Variants in DNAAF6 observed in about 807,000 individuals in gnomAD.
DNAAF6 encodes dynein axonemal assembly factor 6, also known as PIH1 domain containing 3.
DNAAF6 carries 3 observed loss-of-function variants against 13.7 expected under a neutral mutation model. The observed-to-expected ratio is 0.22, with a 90% CI of 0.10 to 0.56. DNAAF6 has a LOEUF of 0.56. Ranked by LOEUF, DNAAF6 falls within the 20% of genes least tolerant of loss-of-function variation. The pLI, the probability that DNAAF6 is intolerant of heterozygous loss-of-function variation, is 0.92. For missense variants in DNAAF6, 130 were observed against 151.0 expected (o/e 0.86, Z 0.73); for synonymous variants, 54 against 49.2 (o/e 1.10, Z -0.41).
Position 107,222,763 on chromosome X carries a change from A to G in DNAAF6, c.351A>G (p.Arg117=), listed in dbSNP as rs746560816. 2.4e-5 allele frequency: 29 copies of G among 1,202,807 alleles called. No individual in the cohort carries two copies. In the South Asian group the frequency reaches 4.9e-4, roughly 20 times the overall value. Reference sequence around the variant, plus strand: ...TTTTCAGGTATGAGATTATATTCAGACAGCAGGTGGGAACTGAAGATATAT... The same window carrying G: ...TTTTCAGGTATGAGATTATATTCAGGCAGCAGGTGGGAACTGAAGATATAT... The part of the protein sequence containing the change: ...REIPEYEIIF[R]QQVGTEDIFL... The change falls in exon 5 of 7, where the codon AGA becomes AGG. Residue 117 remains arginine, a synonymous_variant. Coordinates refer to ENST00000372453, the MANE Select transcript of DNAAF6 (RefSeq NM_173494.2).
chrX:107,220,902 CCTTTCTTTCTTTCTTTCTTTCTTT>C lies in DNAAF6; in HGVS notation c.333-1810_333-1787del, dbSNP rs200337352. On this transcript the variant is annotated intron_variant, in intron 4 of 6. Transcript: ENST00000372453. ...TTTGTTTTTGTTTTCTTTCTTTCTCCCTTTCTTTCTTTCTTTCTTTCTTTCTTTCTTTCTTTCTTTCTTTCTTTC... is the reference window on the plus strand; with the variant it reads ...TTTGTTTTTGTTTTCTTTCTTTCTCCCTTTCTTTCTTTCTTTCTTTCTTTC... 4.5e-3 allele frequency among the ~76,000 whole-genome samples: 388 copies of C among 87,166 alleles called. 4 individuals are homozygous for C. The highest frequency in any genetic ancestry group is 0.016 in the African/African-American group (351 of 22,475). The allele number at this position is 87,166 out of a possible 115,157, so 75.7% of individuals were successfully genotyped here.
intron 1 of DNAAF6, among the ~76,000 whole-genome samples, chrX:107,209,850 T>C (rs1927811391): frequency 1.8e-5 from 2 of 112,394 alleles, no homozygotes; most frequent in African/African-American, 6.5e-5. Context: ...TAACCTAGAC[T>C]TTTCTACAAT....
intron 6 of DNAAF6, among the ~76,000 whole-genome samples, chrX:107,242,597 T>C (rs937134547): frequency 1.8e-5 from 2 of 112,808 alleles, no homozygotes; most frequent in Non-Finnish European, 3.8e-5. Context: ...AACTGAACTA[T>C]AAACCACAAA....
In DNAAF6 at chrX:107,240,485, C is replaced by T. The variant is rs763569655; in HGVS notation, c.515+1478C>T. Among the ~76,000 whole-genome samples, 3 of 111,747 alleles carry T rather than the reference C, an allele frequency of 2.7e-5. No individual in the cohort carries two copies. In the South Asian group the frequency reaches 1.1e-3, roughly 42 times the overall value. On this transcript the variant is annotated intron_variant, in intron 6 of 6. Coordinates refer to ENST00000372453, the MANE Select transcript of DNAAF6 (RefSeq NM_173494.2). ...TTTCTTTAGTTTCTAACTTTGACAT[C>T]ATATAACGCTATGTTTATCCAATCT... is the stretch of plus-strand genomic sequence containing the variant.
chrX:107,206,662 C>A lies in DNAAF6; in HGVS notation c.-32C>A, dbSNP rs1927707067. The A allele has an allele frequency of 9.0e-6, 1 of 111,020 alleles. No homozygotes were observed. The highest frequency in any genetic ancestry group is 1.9e-5 in the Non-Finnish European group (1 of 53,009). The allele number at this position is 111,020 out of a possible 1,213,427, so 9.1% of individuals were successfully genotyped here. ...CGCTCTGCACAGTCTATTTTCGGAGCCTAGCCAGAGACGGGAAAACTGACC... is the reference window on the plus strand; with the variant it reads ...CGCTCTGCACAGTCTATTTTCGGAGACTAGCCAGAGACGGGAAAACTGACC... On this transcript the variant is annotated 5_prime_UTR_variant, in exon 1 of 7. Transcript: ENST00000372453.
At chrX:107,216,619 T>C (rs1927992386) in intron 2 of DNAAF6, 52 bp from the exon 3 acceptor site, 1 of 877,481 alleles carries the variant, frequency 1.1e-6, no homozygotes, top group Non-Finnish European at 1.6e-6. Context: ...ACTAGTCATA[T>C]AGGTTATACA....
intron 5 of DNAAF6, among the ~76,000 whole-genome samples, chrX:107,235,177 A>G (rs1326540084): frequency 8.9e-6 from 1 of 111,997 alleles, no homozygotes; most frequent in Non-Finnish European, 1.9e-5. Context: ...ACTTGCCTGA[A>G]GAGAAGCTGA....
Position 107,212,881 on chromosome X carries a change from ATCTGAAAATATGGAT to A in DNAAF6, c.19_33del (p.Asp7_Met11del), listed in dbSNP as rs775560358. On this transcript the variant is annotated inframe_deletion, in exon 2 of 7. Coordinates refer to ENST00000372453, the MANE Select transcript of DNAAF6 (RefSeq NM_173494.2). ...ATTATCTTTTTCTTCAGATAATGGA[ATCTGAAAATATGGAT>A]TCTGAAAATATGAAGACAGAAAATA... 22 of 1,182,709 alleles carry A rather than the reference ATCTGAAAATATGGAT, an allele frequency of 1.9e-5. No homozygotes were observed. The highest frequency in any genetic ancestry group is 2.4e-4 in the Middle Eastern group (1 of 4,234).
rs192242792 is a variant in DNAAF6 at position 107,241,648 on chromosome X, A to G, written c.516-1521A>G. 3.0e-4 allele frequency among the ~76,000 whole-genome samples: 34 copies of G among 112,199 alleles called. No individual in the cohort carries two copies. In the East Asian group the frequency reaches 9.2e-3, roughly 30 times the overall value. ...AGAATTTTTATTTTGTTTAAATATA[A>G]ATCTCAGTACAGATAATAAGACAGT... On this transcript the variant is annotated intron_variant, in intron 6 of 6. Coordinates refer to ENST00000372453, the MANE Select transcript of DNAAF6 (RefSeq NM_173494.2).
At chrX:107,214,158 A>T (rs1250455735) in intron 2 of DNAAF6, among the ~76,000 whole-genome samples, 1 of 111,918 alleles carries the variant, frequency 8.9e-6, no homozygotes, top group East Asian at 2.8e-4. Context: ...AAGTCTTAGT[A>T]GAGGCTAAAC....
intron 4 of DNAAF6, among the ~76,000 whole-genome samples, chrX:107,220,919 CTTT>C (rs1928112059): frequency 1.6e-5 from 1 of 63,717 alleles, no homozygotes; most frequent in Non-Finnish European, 2.8e-5. Context: ...TTCTTTCTTT[CTTT>C]CTTTCTTTCT....
At chrX:107,232,747 T>G (rs1045287068) in intron 5 of DNAAF6, among the ~76,000 whole-genome samples, 23 of 110,684 alleles carry the variant, frequency 2.1e-4, no homozygotes, top group African/African-American at 7.6e-4. Flanking sequence ...TTGTTGTTGT[T>G]GTTGTTGTCA....
chrX:107,240,964 A>G (rs1014729679), intron 6 of DNAAF6, among the ~76,000 whole-genome samples: 1 of 111,807 alleles, frequency 8.9e-6, no homozygotes, highest in Non-Finnish European at 1.9e-5. Flanking sequence ...GAATTGACTG[A>G]TTTTCAAAGA....
chrX:107,214,919 T>C (rs892172784), intron 2 of DNAAF6, among the ~76,000 whole-genome samples: 1 of 111,277 alleles, frequency 9.0e-6, no homozygotes, highest in Non-Finnish European at 1.9e-5. Flanking sequence ...ATCTGGGAGA[T>C]TGAGGAGAGA....
At chrX:107,234,340 A>AT (rs1252125220) in intron 5 of DNAAF6, among the ~76,000 whole-genome samples, 1 of 112,129 alleles carries the variant, frequency 8.9e-6, no homozygotes, top group Non-Finnish European at 1.9e-5. Context: ...AATGCCTTTA[A>AT]TTTTTTAAAA....
chrX:107,213,784 G>A lies in DNAAF6; in HGVS notation c.153+756G>A, dbSNP rs145362053. Among the ~76,000 whole-genome samples the A allele has an allele frequency of 6.9e-3, 770 of 111,195 alleles. 4 individuals are homozygous for A. The highest frequency in any genetic ancestry group is 0.012 in the Non-Finnish European group (645 of 52,904). ...TTGGCTATCAGACTGCCTATGATAG[G>A]GCAAACAAAATTTGGGGCAAAAAAT... is the stretch of plus-strand genomic sequence containing the variant. On this transcript the variant is annotated intron_variant, in intron 2 of 6. Coordinates refer to ENST00000372453, the MANE Select transcript of DNAAF6 (RefSeq NM_173494.2).
chrX:107,210,924 T>C (rs889669260), intron 1 of DNAAF6, among the ~76,000 whole-genome samples: 2 of 111,380 alleles, frequency 1.8e-5, no homozygotes, highest in Non-Finnish European at 3.8e-5. Context: ...AGGACCTTGA[T>C]TGCCAGACTC....
intron 5 of DNAAF6, among the ~76,000 whole-genome samples, chrX:107,235,897 T>C (rs1928502738): frequency 9.0e-6 from 1 of 110,845 alleles, no homozygotes; most frequent in Non-Finnish European, 1.9e-5. Context: ...GAGGCCAAGA[T>C]GGGAGGATCA....
At chrX:107,216,055 G>T (rs1174658502) in intron 2 of DNAAF6, among the ~76,000 whole-genome samples, 1 of 111,669 alleles carries the variant, frequency 9.0e-6, no homozygotes, top group Non-Finnish European at 1.9e-5. Flanking sequence ...AAGTTATGAA[G>T]ACTGAAGTAC....
Sources: gnomAD v4.1 joint callset for allele counts (sites outside exome capture counted in the v4.1 genomes callset) on GRCh38, gnomAD v4.1.1 for gene constraint, MANE v1.5 for transcripts, NCBI Gene and HGNC (gene_info 2026-07-23, HGNC 2026-07-21) for gene names.